The following KCNQ5 variants were observed in gnomAD, a reference collection of about 807,000 sequenced individuals.
KCNQ5 encodes the protein potassium voltage-gated channel subfamily Q member 5.
KCNQ5 carries 30 observed loss-of-function variants against 98.2 expected under a neutral mutation model. That is an observed-to-expected ratio of 0.31 (90% confidence interval 0.23 to 0.41). The LOEUF (loss-of-function observed/expected upper bound fraction) is 0.41. Among genes scored for constraint, KCNQ5 ranks in the 10% least tolerant of loss-of-function variants. The pLI is 1.00. For missense variants in KCNQ5, 835 were observed against 1,182.5 expected (o/e 0.71, Z 4.31); for synonymous variants, 458 against 449.4 (o/e 1.02, Z -0.24).
At chr6:72,902,476 G>A (rs1779548563) in intron 1 of KCNQ5, among the ~76,000 whole-genome samples, 1 of 152,126 alleles carries the variant, frequency 6.6e-6, no homozygotes, top group African/African-American at 2.4e-5. Flanking sequence ...TTGGCTCTGG[G>A]TTTGTCATAC....
intron 1 of KCNQ5, among the ~76,000 whole-genome samples, chr6:72,715,827 AATAAT>A (rs1329034978): frequency 6.6e-6 from 1 of 152,160 alleles, no homozygotes; most frequent in Admixed American, 6.5e-5. Flanking sequence ...ACAAAATCTG[AATAAT>A]ATAATCTCCA....
rs1351068159 is a variant in KCNQ5, at chr6:73,044,298, A to G, written c.616+2236A>G. Among the ~76,000 whole-genome samples the G allele has an allele frequency of 2.0e-5, 3 of 152,172 alleles. No homozygotes were observed. In the East Asian group the frequency reaches 5.8e-4, roughly 29 times the overall value. On this transcript the variant is annotated intron_variant, in intron 3 of 13. Coordinates refer to ENST00000370398, the MANE Select transcript of KCNQ5 (RefSeq NM_019842.4). Reference sequence around the variant, plus strand: ...CCTGTCTCAAAAAAATACTAGTATGACATGGTTTAGGCATAATTGCAGTTT... The same window carrying G: ...CCTGTCTCAAAAAAATACTAGTATGGCATGGTTTAGGCATAATTGCAGTTT...
chr6:72,739,492 TTCA>T (rs1312906557), intron 1 of KCNQ5, among the ~76,000 whole-genome samples: 1 of 152,352 alleles, frequency 6.6e-6, no homozygotes, highest in African/African-American at 2.4e-5. Flanking sequence ...TTTACTCTGC[TTCA>T]TCTCTATTGC....
At chr6:72,637,458 A>G (rs559351235) in intron 1 of KCNQ5, among the ~76,000 whole-genome samples, 8 of 152,152 alleles carry the variant, frequency 5.3e-5, no homozygotes, top group African/African-American at 7.2e-5. Flanking sequence ...CACTTCTTCC[A>G]TTTGTTCAAC....
intron 1 of KCNQ5, among the ~76,000 whole-genome samples, chr6:72,655,248 G>C (rs554562159): frequency 1.9e-4 from 28 of 151,152 alleles, no homozygotes; most frequent in African/African-American, 6.1e-4. Flanking sequence ...ACAAAACTTA[G>C]TCACCAAAGG....
intron 1 of KCNQ5, among the ~76,000 whole-genome samples, chr6:72,703,229 G>A (rs1472361847): frequency 6.6e-6 from 1 of 152,188 alleles, no homozygotes; most frequent in African/African-American, 2.4e-5. Flanking sequence ...TTCTTGCAGC[G>A]TCCTGCCCTT....
chr6:72,839,666 A>C (rs1776696971), intron 1 of KCNQ5, among the ~76,000 whole-genome samples: 1 of 152,090 alleles, frequency 6.6e-6, no homozygotes, highest in African/African-American at 2.4e-5. Context: ...TATTTATTTT[A>C]AGTTTTTGAT....
At chr6:72,872,943 A>G (rs1253057082) in intron 1 of KCNQ5, among the ~76,000 whole-genome samples, 1 of 152,130 alleles carries the variant, frequency 6.6e-6, no homozygotes, top group Non-Finnish European at 1.5e-5. Context: ...AACTTTCCAG[A>G]TAGCTCTTCT....
intron 2 of KCNQ5, among the ~76,000 whole-genome samples, chr6:73,031,434 G>A (rs1392715441): frequency 1.3e-5 from 2 of 152,156 alleles, no homozygotes; most frequent in African/African-American, 4.8e-5. Flanking sequence ...TCCACCTCCA[G>A]CTAGCTCTTT....
Position 73,194,669 on chromosome 6 carries a change from C to T in KCNQ5, c.2054C>T (p.Ser685Leu), listed in dbSNP as rs753499398. The change falls in exon 14 of 14, where the codon TCG (serine) becomes TTG (leucine). Residue 685 changes from serine (S) to leucine (L), a missense_variant. This residue lies in a region of KCNQ5 where 416 missense variants were observed against 446.9 expected (regional missense o/e 0.93). Transcript: ENST00000370398. ...CLSRSTSANISRGLQFILTPN... is the reference protein window; with the variant it reads ...CLSRSTSANILRGLQFILTPN... The stretch of plus-strand genomic sequence containing the variant: ...TCCAGATCAACTAGTGCCAACATCT[C>T]GAGAGGCCTGCAGTTCATTCTGACG... 3 of 1,614,244 alleles carry T rather than the reference C, an allele frequency of 1.9e-6. No individual in the cohort carries two copies. Among genetic ancestry groups the T allele is most frequent in the Middle Eastern group, 1.6e-4 (1 of 6,062 alleles).
chr6:72,803,621 T>C (rs1774779602), intron 1 of KCNQ5, among the ~76,000 whole-genome samples: 1 of 152,170 alleles, frequency 6.6e-6, no homozygotes, highest in Admixed American at 6.6e-5. Flanking sequence ...AGTACTTTAA[T>C]TGTTATGTAG....
intron 1 of KCNQ5, among the ~76,000 whole-genome samples, chr6:72,793,046 C>T (rs1424313115): frequency 5.3e-5 from 8 of 152,120 alleles, no homozygotes. Context: ...TCTGAGCAGG[C>T]ATTATATGGC....
intron 1 of KCNQ5, among the ~76,000 whole-genome samples, chr6:72,770,361 T>C (rs2092841539): frequency 6.6e-6 from 1 of 152,098 alleles, no homozygotes; most frequent in Admixed American, 6.6e-5. Context: ...GATAAAGCAT[T>C]GGTAGATGAT....
chr6:72,752,108 A>G (rs1582222909), intron 1 of KCNQ5, among the ~76,000 whole-genome samples: 1 of 152,118 alleles, frequency 6.6e-6, no homozygotes, highest in Non-Finnish European at 1.5e-5. Flanking sequence ...GAAAAGTCAA[A>G]CATTTGTTGA....
chr6:72,739,768 G>T (rs539100136), intron 1 of KCNQ5, among the ~76,000 whole-genome samples: 2 of 152,120 alleles, frequency 1.3e-5, no homozygotes, highest in Admixed American at 6.5e-5. Context: ...CTGACTATTC[G>T]ATAGTCCCAG....
At chr6:72,638,171 C>T (rs1383992265) in intron 1 of KCNQ5, among the ~76,000 whole-genome samples, 1 of 152,188 alleles carries the variant, frequency 6.6e-6, no homozygotes, top group African/African-American at 2.4e-5. Context: ...GTTCAGGCTA[C>T]CAGTTTGGTT....
At chr6:72,971,236 C>A (rs1767882065) in intron 1 of KCNQ5, among the ~76,000 whole-genome samples, 1 of 152,162 alleles carries the variant, frequency 6.6e-6, no homozygotes, top group African/African-American at 2.4e-5. Flanking sequence ...CCAAAAGACA[C>A]ATGAAAAAAT....
chr6:72,738,743 G>A (rs73539789), intron 1 of KCNQ5, among the ~76,000 whole-genome samples: 8,037 of 152,132 alleles, frequency 0.053, 500 homozygotes, highest in African/African-American at 0.15. Context: ...GTATCACATC[G>A]TGAAAAGACA....
At chr6:73,152,492 A>G (rs1777190901) in intron 10 of KCNQ5, among the ~76,000 whole-genome samples, 1 of 152,056 alleles carries the variant, frequency 6.6e-6, no homozygotes, top group African/African-American at 2.4e-5. Flanking sequence ...TTATTTTAGT[A>G]TCCTATTTTT....
Sources: allele counts gnomAD v4.1 joint callset (sites outside exome capture counted in the v4.1 genomes callset), GRCh38; gene constraint gnomAD v4.1.1; regional missense constraint gnomAD v4.1.1; transcripts MANE v1.5; gene names NCBI Gene and HGNC (gene_info 2026-07-23, HGNC 2026-07-21).